Variants in CPAP observed in about 807,000 individuals in gnomAD.
The protein encoded by CPAP is centrosome assembly and centriole elongation protein.
At chr13:24,884,615 G>A in the CPAP span, 5 of 768,138 alleles carry the variant, frequency 6.5e-6, no homozygotes, top group East Asian at 2.7e-5. Context: ...TAGCAAACTC[G>A]TGATTTTCTA....
At chr13:24,885,338 C>T in the CPAP span, 2 of 1,613,972 alleles carry the variant, frequency 1.2e-6, no homozygotes. Context: ...TCTTTATATT[C>T]AGGATCTGGG....
the CPAP span, chr13:24,933,268 CTG>C: frequency 1.4e-6 from 1 of 711,190 alleles, no homozygotes; most frequent in Admixed American, 2.6e-5. Flanking sequence ...TCAGGAGAGA[CTG>C]TGACTTGGCC....
At chr13:24,913,318 T>A in the CPAP span, among the ~76,000 whole-genome samples, 2 of 152,140 alleles carry the variant, frequency 1.3e-5, no homozygotes, top group Admixed American at 1.3e-4. Context: ...ACCATTCAAT[T>A]ACTAATGATT....
chr13:24,897,109 G>A, the CPAP span, among the ~76,000 whole-genome samples: 3 of 152,204 alleles, frequency 2.0e-5, 1 homozygote, highest in Non-Finnish European at 4.4e-5. Context: ...AGCCATGGTG[G>A]TGGGCACCTA....
the CPAP span, chr13:24,899,578 T>A: frequency 6.2e-7 from 1 of 1,613,396 alleles, no homozygotes; most frequent in South Asian, 1.1e-5. Context: ...AGTCTGCAAT[T>A]TCTTTCCTAA....
At chr13:24,887,219 C>T in the CPAP span, among the ~76,000 whole-genome samples, 31 of 152,248 alleles carry the variant, frequency 2.0e-4, no homozygotes, top group Non-Finnish European at 4.0e-4. Flanking sequence ...AGCAAAAAGA[C>T]AAGCCATGAA....
the CPAP span, chr13:24,913,105 T>C: frequency 7.9e-7 from 1 of 1,269,454 alleles, no homozygotes; most frequent in African/African-American, 1.5e-5. Context: ...TAGACAAAAA[T>C]AGCCAACAAA....
At chr13:24,912,761 G>T in the CPAP span, 1 of 1,614,198 alleles carries the variant, frequency 6.2e-7, no homozygotes, top group Non-Finnish European at 8.5e-7. Context: ...TTATCTGACT[G>T]TGGTTTGTAA....
chr13:24,921,482 G>A, the CPAP span, among the ~76,000 whole-genome samples: 1 of 152,176 alleles, frequency 6.6e-6, no homozygotes, highest in Non-Finnish European at 1.5e-5. Context: ...CAACTGGGAA[G>A]GTTAATACAG....
At chr13:24,918,346 T>A in the CPAP span, among the ~76,000 whole-genome samples, 3 of 152,190 alleles carry the variant, frequency 2.0e-5, no homozygotes, top group Non-Finnish European at 4.4e-5. Context: ...AACACAGCAA[T>A]TTTTTATAAG....
the CPAP span, among the ~76,000 whole-genome samples, chr13:24,917,049 G>T: frequency 6.6e-6 from 1 of 152,144 alleles, no homozygotes; most frequent in African/African-American, 2.4e-5. Flanking sequence ...AGGAGATCGA[G>T]ACCATCCTGG....
chr13:24,920,461 T>C, the CPAP span, among the ~76,000 whole-genome samples: 1 of 152,138 alleles, frequency 6.6e-6, no homozygotes, highest in African/African-American at 2.4e-5. Context: ...GCCAACCATT[T>C]AATAACCAAA....
chr13:24,893,392 C>T, the CPAP span, among the ~76,000 whole-genome samples: 6 of 152,208 alleles, frequency 3.9e-5, no homozygotes, highest in South Asian at 2.1e-4. Context: ...AGAAGCAATT[C>T]GAGATCACGT....
chr13:24,910,712 C>T, the CPAP span, among the ~76,000 whole-genome samples: 1 of 152,220 alleles, frequency 6.6e-6, no homozygotes, highest in African/African-American at 2.4e-5. Context: ...TTGAAATCAG[C>T]TTCCCTGTCA....
chr13:24,885,896 G>T, the CPAP span: 1 of 539,400 alleles, frequency 1.9e-6, no homozygotes, highest in Non-Finnish European at 3.3e-6. Context: ...ACAATCCTGG[G>T]GAAGAGACAG....
the CPAP span, chr13:24,910,137 C>T: frequency 6.4e-7 from 1 of 1,559,976 alleles, no homozygotes; most frequent in African/African-American, 1.3e-5. Context: ...AACATTTTCT[C>T]TTTTATCCCC....
chr13:24,894,266 G>A, the CPAP span, among the ~76,000 whole-genome samples: 4 of 152,374 alleles, frequency 2.6e-5, no homozygotes, highest in East Asian at 5.8e-4. Flanking sequence ...CCACAGGGAC[G>A]GGGTAAGAGC....
the CPAP span, chr13:24,886,395 A>C: frequency 1.6e-6 from 2 of 1,286,250 alleles, no homozygotes; most frequent in Non-Finnish European, 2.0e-6. Context: ...CCTGTGAGAC[A>C]GGAATGGTTC....
the CPAP span, among the ~76,000 whole-genome samples, chr13:24,931,654 G>A: frequency 2.0e-5 from 3 of 151,884 alleles, no homozygotes; most frequent in Non-Finnish European, 4.4e-5. Context: ...TCCAGCCCTC[G>A]CCTCTCTTGA....
Sources: gnomAD v4.1 joint callset for allele counts (sites outside exome capture counted in the v4.1 genomes callset) on GRCh38, gnomAD v4.1.1 for gene constraint, MANE v1.5 for transcripts, NCBI Gene and HGNC (gene_info 2026-07-23, HGNC 2026-07-21) for gene names.